The following AFMID variants were observed in gnomAD, a reference collection of about 807,000 sequenced individuals.
The protein encoded by AFMID is kynurenine formamidase.
In AFMID, 39 loss-of-function variants were observed where a neutral mutation model predicts 47.5. That is an observed-to-expected ratio of 0.82 (90% CI 0.64 to 1.07). The LOEUF is 1.07. Ranked by LOEUF, AFMID falls within the 50% of genes least tolerant of loss-of-function variation. The pLI, the probability that AFMID is intolerant of heterozygous loss-of-function variation, is 0.00. For missense variants in AFMID, 375 were observed against 387.5 expected, an observed-to-expected ratio of 0.97 and a Z score of 0.27; for synonymous variants, 130 against 153.2, an observed-to-expected ratio of 0.85 and a Z score of 1.12.
intron 2 of AFMID, among the ~76,000 whole-genome samples, chr17:78,194,438 T>C (rs1418822057): frequency 6.6e-6 from 1 of 151,978 alleles, no homozygotes; most frequent in Admixed American, 6.6e-5. Flanking sequence ...GGGAGAATTA[T>C]ATTTTTTCTC....
At chr17:78,205,548 C>A in intron 8 of AFMID, 30 bp downstream of exon 8, 7 of 1,614,090 alleles carry the variant, frequency 4.3e-6, no homozygotes, top group Non-Finnish European at 5.1e-6. Context: ...CCTCCCCTGG[C>A]TCACCAGGAG....
Position 78,191,003 on chromosome 17 carries a change from G to C in AFMID, c.97G>C (p.Val33Leu), listed in dbSNP as rs773872593. Reference sequence around the variant, plus strand: ...GAATCAGTACTGTCCCAGCCGATGGGTTGTCCGACTGGGAGCAGAGGAAGC... The same window carrying C: ...GAATCAGTACTGTCCCAGCCGATGGCTTGTCCGACTGGGAGCAGAGGAAGC... ...LENQYCPSRWVVRLGAEEALR... is the reference protein window; with the variant it reads ...LENQYCPSRWLVRLGAEEALR... The change falls in exon 2 of 11, where the codon GTT (valine) becomes CTT (leucine). Residue 33 changes from valine to leucine, a missense_variant. Coordinates refer to ENST00000409257, the MANE Select transcript of AFMID (RefSeq NM_001010982.5). The C allele has an allele frequency of 3.7e-6, 6 of 1,614,086 alleles. No individual in the cohort carries two copies. In the Admixed American group the frequency reaches 1.0e-4, roughly 27 times the overall value.
chr17:78,202,795 C>T, intron 4 of AFMID, 44 bp downstream of exon 4: 2 of 1,549,556 alleles, frequency 1.3e-6, no homozygotes, highest in Non-Finnish European at 1.7e-6. Context: ...AGAGATTCCA[C>T]TTTCCCTGGG....
chr17:78,188,062 T>C (rs141441100), intron 1 of AFMID, among the ~76,000 whole-genome samples: 1,881 of 151,670 alleles, frequency 0.012, 47 homozygotes, highest in African/African-American at 0.042. Flanking sequence ...TTTTTGGGTC[T>C]GTGCTTATGT....
chr17:78,194,678 T>C (rs1266808836), intron 2 of AFMID, among the ~76,000 whole-genome samples: 1 of 152,126 alleles, frequency 6.6e-6, no homozygotes, highest in African/African-American at 2.4e-5. Flanking sequence ...TTAGTTTTAC[T>C]GTGACCTTCA....
chr17:78,205,275 C>T (rs1156528335), intron 7 of AFMID, 85 bp downstream of exon 7: 17 of 1,472,826 alleles, frequency 1.2e-5, no homozygotes, highest in Admixed American at 1.8e-5. Flanking sequence ...GAAATCCTCC[C>T]GGCCATGAGT....
Position 78,202,535 on chromosome 17 carries a change from T to C in AFMID, c.191T>C (p.Leu64Pro), listed in dbSNP as rs1261899478. 6.2e-7 allele frequency: 1 copy of C among 1,614,008 alleles called. No homozygotes were observed. Among genetic ancestry groups the C allele is most frequent in the Non-Finnish European group, 8.5e-7 (1 of 1,180,036 alleles). ...GCCCGGGCCACCAGGAAGAGCCTGC[T>C]GCATGTCCCCTATGGAGACGGCGAA... is the stretch of plus-strand genomic sequence containing the variant. ...TRARATRKSL[L>P]HVPYGDGEGE... The change falls in exon 3 of 11, where the codon CTG (leucine) becomes CCG (proline). Residue 64 changes from leucine to proline, a missense_variant. Leu to Pro is a moderately conservative substitution (Grantham distance 98). Coordinates refer to ENST00000409257, the MANE Select transcript of AFMID (RefSeq NM_001010982.5).
chr17:78,200,077 A>AC (rs2076209634), intron 2 of AFMID, among the ~76,000 whole-genome samples: 1 of 152,096 alleles, frequency 6.6e-6, no homozygotes, highest in Non-Finnish European at 1.5e-5. Flanking sequence ...CCAAATCCTA[A>AC]CCCTGGGAAC....
rs376426687 is a variant in AFMID at position 78,187,400 on chromosome 17, A to C, written c.30A>C (p.Pro10=). The C allele has an allele frequency of 3.8e-5, 62 of 1,613,898 alleles. 1 individual carries two copies. The South Asian group carries it at 6.6e-4, about 17-fold the overall frequency. ...TGGATGTGTCTGGTGTGGGTTTCCC[A>C]AGCAAGGTTCCTTGGAAGAAGATGT... The part of the protein sequence containing the change: MMDVSGVGF[P]SKVPWKKMSA... The change falls in exon 1 of 11, where the codon CCA becomes CCC. Residue 10 remains proline, a synonymous_variant. Coordinates refer to ENST00000409257, the MANE Select transcript of AFMID (RefSeq NM_001010982.5).
intron 2 of AFMID, chr17:78,197,273 G>T (rs74609786): frequency 1.4e-5 from 20 of 1,456,224 alleles, no homozygotes; most frequent in African/African-American, 2.8e-5. Flanking sequence ...GATGGCAGCC[G>T]GCAATGGCCT....
chr17:78,192,523 A>T (rs370443360), intron 2 of AFMID: 228 of 430,912 alleles, frequency 5.3e-4, no homozygotes, highest in African/African-American at 4.2e-3. Flanking sequence ...CATGTTGGTT[A>T]GGCTGGTCTC....
chr17:78,202,614 A>T lies in AFMID; in HGVS notation c.259+11A>T. On this transcript the variant is annotated intron_variant, in intron 3 of 10. Transcript: ENST00000409257. ...ACGAGTCGTCTGAAGGTTGTCGGTG[A>T]AGGGGCTGGGGGTCCCGGGGCTTGG... The T allele has an allele frequency of 6.2e-7, 1 of 1,612,636 alleles. No homozygotes were observed.
chr17:78,203,046 T>G, intron 4 of AFMID: 1 of 302,926 alleles, frequency 3.3e-6, no homozygotes, highest in African/African-American at 2.3e-5. Context: ...GTCTCAAATC[T>G]TCCTCTCTCT....
chr17:78,196,595 C>T (rs1351300974), intron 2 of AFMID, among the ~76,000 whole-genome samples: 1 of 152,100 alleles, frequency 6.6e-6, no homozygotes, highest in African/African-American at 2.4e-5. Context: ...GGGAGAATAG[C>T]TTGAACCCAG....
intron 2 of AFMID, chr17:78,197,069 TG>T: frequency 7.8e-7 from 1 of 1,285,158 alleles, no homozygotes; most frequent in Non-Finnish European, 1.1e-6. Context: ...TTGGTTTTAA[TG>T]GCCATTCCAC....
At chr17:78,195,188 C>CTTTT (rs1567846228) in intron 2 of AFMID, among the ~76,000 whole-genome samples, 1 of 136,840 alleles carries the variant, frequency 7.3e-6, no homozygotes. Context: ...GGGACAGTTT[C>CTTTT]TTTCTTTTTT....
chr17:78,205,939 T>A lies in AFMID; in HGVS notation c.781-7T>A, dbSNP rs2076369305. ...CAGGCCCCTCTTCCCATGTCTCCCC[T>A]GCCCAGACCCTGTGTCAAGGAGAGT... On this transcript the variant is annotated splice_region_variant and splice_polypyrimidine_tract_variant and intron_variant, in intron 9 of 10. Coordinates refer to ENST00000409257, the MANE Select transcript of AFMID (RefSeq NM_001010982.5). 1 of 1,613,512 alleles carries A rather than the reference T, an allele frequency of 6.2e-7. No homozygotes were observed. The highest frequency in any genetic ancestry group is 1.7e-5 in the Admixed American group (1 of 59,950).
intron 2 of AFMID, among the ~76,000 whole-genome samples, chr17:78,194,086 G>T (rs2076046058): frequency 6.6e-6 from 1 of 151,318 alleles, no homozygotes; most frequent in Admixed American, 6.6e-5. Flanking sequence ...GGAGTTCAAG[G>T]CTGCATATTT....
intron 2 of AFMID, among the ~76,000 whole-genome samples, chr17:78,194,716 G>A (rs143458343): frequency 1.5e-3 from 231 of 151,516 alleles, no homozygotes; most frequent in African/African-American, 5.2e-3. Flanking sequence ...TTTTTAAGAC[G>A]GAGTTTTGCT....
Sources: allele counts gnomAD v4.1 joint callset (sites outside exome capture counted in the v4.1 genomes callset), GRCh38; gene constraint gnomAD v4.1.1; transcripts MANE v1.5; gene names NCBI Gene and HGNC (gene_info 2026-07-23, HGNC 2026-07-21).